The following AMBRA1 variants were observed in gnomAD, a reference collection of about 807,000 sequenced individuals.
The protein encoded by AMBRA1 is autophagy and beclin 1 regulator 1.
AMBRA1 carries 47 observed loss-of-function variants against 125.4 expected under a neutral mutation model. That is an observed-to-expected ratio of 0.37 (90% CI 0.30 to 0.48). The LOEUF is 0.48. AMBRA1 is among the 20% of genes least tolerant of loss of function. AMBRA1 has a pLI of 0.99. For missense variants in AMBRA1, 1,331 were observed against 1,693.4 expected (o/e 0.79, Z 3.76); for synonymous variants, 626 against 655.5 (o/e 0.95, Z 0.69).
chr11:46,565,256 CT>C (rs2043480132), intron 1 of AMBRA1, among the ~76,000 whole-genome samples: 3 of 150,336 alleles, frequency 2.0e-5, no homozygotes, highest in Admixed American at 1.3e-4. Flanking sequence ...AAAATTCCCT[CT>C]AAAAAAAAAA....
chr11:46,543,433 G>A (rs779789375), intron 6 of AMBRA1, 35 bp from the exon 7 acceptor site: 8 of 1,599,444 alleles, frequency 5.0e-6, no homozygotes, highest in African/African-American at 1.4e-5. Context: ...AGGGGGTAGA[G>A]CAAGGCAGTT....
In AMBRA1 at chr11:46,543,383, C is replaced by T; in HGVS notation, c.634G>A (p.Glu212Lys). 6.2e-7 allele frequency: 1 copy of T among 1,613,878 alleles called. No homozygotes were observed. The highest frequency in any genetic ancestry group is 8.5e-7 in the Non-Finnish European group (1 of 1,179,922). The change falls in exon 7 of 18, where the codon GAG (glutamate) becomes AAG (lysine). Residue 212 changes from glutamate to lysine, a missense_variant. Coordinates refer to ENST00000683756, the MANE Select transcript of AMBRA1 (RefSeq NM_001387011.1). ...PSNQQGDDEP[E>K]IPIDGTELSH... ...AATTCTGTTCCATCTATGGGGATCT[C>T]TGGTTCGTCATCACCCTGCAACGTG... is the stretch of plus-strand genomic sequence containing the variant.
intron 11 of AMBRA1, among the ~76,000 whole-genome samples, chr11:46,477,002 T>C (rs1949840982): frequency 6.6e-6 from 1 of 151,376 alleles, no homozygotes; most frequent in Admixed American, 6.6e-5. Context: ...CCCCAGCTAC[T>C]AGGTAGGCTG....
chr11:46,530,092 T>C (rs1952146719), intron 7 of AMBRA1, among the ~76,000 whole-genome samples: 1 of 152,092 alleles, frequency 6.6e-6, no homozygotes, highest in Non-Finnish European at 1.5e-5. Context: ...AAAGCACCCT[T>C]TAGAGCACTA....
intron 1 of AMBRA1, among the ~76,000 whole-genome samples, chr11:46,591,580 G>C (rs1222501554): frequency 6.6e-6 from 1 of 152,106 alleles, no homozygotes; most frequent in African/African-American, 2.4e-5. Context: ...CTCTTAGCCG[G>C]GCGCGGTGGC....
chr11:46,545,184 G>GGGC (rs1952957830), intron 5 of AMBRA1, among the ~76,000 whole-genome samples: 1 of 134,072 alleles, frequency 7.5e-6, no homozygotes, highest in Non-Finnish European at 1.6e-5. Flanking sequence ...GTGGTGGTGG[G>GGGC]CATGGTGGCT....
chr11:46,398,028 G>A, intron 17 of AMBRA1, 85 bp from the exon 18 acceptor site: 1 of 1,488,144 alleles, frequency 6.7e-7, no homozygotes, highest in Admixed American at 2.2e-5. Flanking sequence ...GTAGCAGCTG[G>A]GGGATTCTTG....
chr11:46,520,883 G>T (rs1023396150), intron 7 of AMBRA1, among the ~76,000 whole-genome samples: 2 of 151,992 alleles, frequency 1.3e-5, no homozygotes, highest in African/African-American at 4.8e-5. Context: ...GGGATTACAG[G>T]CGTGAGCCAC....
chr11:46,452,336 T>TTTG (rs759932665), intron 11 of AMBRA1, among the ~76,000 whole-genome samples: 101 of 152,064 alleles, frequency 6.6e-4, no homozygotes, highest in East Asian at 6.2e-3. Flanking sequence ...TTTAAGGTTT[T>TTTG]TTGTTGTTGT....
At chr11:46,552,143 C>G (rs1420150143) in intron 1 of AMBRA1, among the ~76,000 whole-genome samples, 3 of 149,808 alleles carry the variant, frequency 2.0e-5, no homozygotes, top group African/African-American at 7.4e-5. Context: ...CCGAGGCAGG[C>G]AGATCACTTG....
Position 46,564,218 on chromosome 11 carries a change from T to TA in AMBRA1, c.-120-15719dup, listed in dbSNP as rs781562495. 6.5e-3 allele frequency among the ~76,000 whole-genome samples: 858 copies of TA among 131,136 alleles called. 3 individuals are homozygous for TA. The highest frequency in any genetic ancestry group is 8.4e-3 in the Non-Finnish European group (513 of 60,808). The allele number at this position is 131,136 out of a possible 152,430, so 86.0% of individuals were successfully genotyped here. A position where few individuals can be genotyped will look rare whatever the true frequency, so the allele number is the denominator to read the frequency against. On this transcript the variant is annotated intron_variant, in intron 1 of 17. Coordinates refer to ENST00000683756, the MANE Select transcript of AMBRA1 (RefSeq NM_001387011.1). ...GTACATGGCAGAAAAATCCCAGTAT[T>TA]AAAAAAAAAAAAAAGAGAAATCCCA...
intron 11 of AMBRA1, among the ~76,000 whole-genome samples, chr11:46,492,009 A>C (rs1209476738): frequency 6.6e-6 from 1 of 152,212 alleles, no homozygotes; most frequent in Non-Finnish European, 1.5e-5. Flanking sequence ...GGAACAAAGA[A>C]GGGTGGAGAA....
intron 8 of AMBRA1, 25 bp downstream of exon 8, chr11:46,512,702 G>A: frequency 6.2e-7 from 1 of 1,607,112 alleles, no homozygotes; most frequent in African/African-American, 1.3e-5. Flanking sequence ...CCCCCACCTA[G>A]TGCCATTTCT....
chr11:46,502,354 AGT>A (rs1302910571), intron 9 of AMBRA1, among the ~76,000 whole-genome samples: 1 of 152,242 alleles, frequency 6.6e-6, no homozygotes, highest in Non-Finnish European at 1.5e-5. Context: ...GTAACTTTAC[AGT>A]GTGTTTCCTC....
intron 13 of AMBRA1, 67 bp downstream of exon 13, chr11:46,434,782 A>G (rs1278324808): frequency 1.3e-6 from 2 of 1,485,538 alleles, no homozygotes; most frequent in African/African-American, 2.8e-5. Context: ...GCTGTGCCTC[A>G]CCTAGCAATG....
chr11:46,409,385 G>A (rs1346590103), intron 16 of AMBRA1, among the ~76,000 whole-genome samples: 4 of 152,114 alleles, frequency 2.6e-5, no homozygotes, highest in Non-Finnish European at 5.9e-5. Flanking sequence ...ATTTTTAGTA[G>A]AGAGGGGTTT....
intron 17 of AMBRA1, 121 bp from the exon 18 acceptor site, chr11:46,398,064 C>A: frequency 7.7e-7 from 1 of 1,305,342 alleles, no homozygotes; most frequent in South Asian, 1.5e-5. Context: ...GAGAAAGACT[C>A]GCTCCATCAC....
At chr11:46,399,113 C>T (rs1417066309) in intron 17 of AMBRA1, among the ~76,000 whole-genome samples, 1 of 151,996 alleles carries the variant, frequency 6.6e-6, no homozygotes, top group Admixed American at 6.6e-5. Context: ...TTGTTCTAGT[C>T]GCCCAGGCTG....
chr11:46,507,821 A>T (rs1218999055), intron 9 of AMBRA1, among the ~76,000 whole-genome samples: 1 of 152,174 alleles, frequency 6.6e-6, no homozygotes, highest in East Asian at 1.9e-4. Flanking sequence ...AGGAGAAAAA[A>T]CACCAACCCT....
Sources: gnomAD v4.1 joint callset for allele counts (sites outside exome capture counted in the v4.1 genomes callset) on GRCh38, gnomAD v4.1.1 for gene constraint, MANE v1.5 for transcripts, NCBI Gene and HGNC (gene_info 2026-07-23, HGNC 2026-07-21) for gene names.